MCCC1: variants seen among roughly 807,000 people sequenced by gnomAD.
MCCC1 encodes the protein methylcrotonoyl-CoA carboxylase subunit alpha, mitochondrial.
MCCC1 carries 64 observed loss-of-function variants against 83.8 expected under a neutral mutation model. The ratio of observed to expected loss-of-function variants is 0.76; its 90% CI spans 0.62 to 0.94. MCCC1 has a LOEUF of 0.94. Among genes scored for constraint, MCCC1 ranks in the 40% least tolerant of loss-of-function variants. MCCC1 has a pLI of 0.00. For synonymous variants in MCCC1, 322 were observed against 315.4 expected (o/e 1.02, Z -0.22); for missense variants, 807 against 904.7 (o/e 0.89, Z 1.39).
intron 1 of MCCC1, among the ~76,000 whole-genome samples, chr3:183,109,554 G>A (rs751498152): frequency 1.3e-5 from 2 of 152,190 alleles, no homozygotes; most frequent in Non-Finnish European, 2.9e-5. Flanking sequence ...GTGGCCTCCA[G>A]CTGCATCCAT....
intron 4 of MCCC1, among the ~76,000 whole-genome samples, chr3:183,084,618 T>G (rs569482244): frequency 2.6e-4 from 39 of 152,308 alleles, no homozygotes; most frequent in Middle Eastern, 3.4e-3. Context: ...CTATACATAT[T>G]CACTAATTTA....
intron 8 of MCCC1, among the ~76,000 whole-genome samples, chr3:183,053,877 ATTT>A (rs1318142804): frequency 7.2e-6 from 1 of 138,552 alleles, no homozygotes. Flanking sequence ...GCTATAAAGA[ATTT>A]TTTTTTTTTT....
At position 183,037,289 on chromosome 3, in the gene MCCC1, A is replaced by G; in HGVS notation, c.1523T>C (p.Leu508Ser). 1 of 1,614,180 alleles carries G rather than the reference A, an allele frequency of 6.2e-7. No individual in the cohort carries two copies. Among genetic ancestry groups the G allele is most frequent in the South Asian group, 1.1e-5 (1 of 91,088 alleles). ...LSRKAAAKES[L>S]CQAALGLILK... ...GATGAGACCCAGGGCTGCCTGGCAT[A>G]AAGACTCTTTGGCTGCAGCCTTCCG... Residue 508 changes from leucine to serine, a missense_variant, in exon 13 of 19, where the codon TTA becomes TCA. Coordinates refer to ENST00000265594, the MANE Select transcript of MCCC1 (RefSeq NM_020166.5).
Position 183,053,877 on chromosome 3 carries a change from A to AAT in MCCC1, c.874-1638_874-1637insAT, listed in dbSNP as rs1480067012. ...GCTTATAGAATTAAGGCTATAAAGA[A>AAT]TTTTTTTTTTTTTTTTTTGAGATGG... On this transcript the variant is annotated intron_variant, in intron 8 of 18. Coordinates refer to ENST00000265594, the MANE Select transcript of MCCC1 (RefSeq NM_020166.5). Among the ~76,000 whole-genome samples the AAT allele has an allele frequency of 7.5e-4, 104 of 138,562 alleles. 4 individuals are homozygous for AAT. The highest frequency in any genetic ancestry group is 1.7e-3 in the East Asian group (8 of 4,730). 90.9% of individuals were successfully genotyped at this position (138,562 alleles called of 152,430 possible).
intron 1 of MCCC1, 118 bp downstream of exon 1, chr3:183,099,234 T>A: frequency 8.2e-7 from 1 of 1,225,854 alleles, no homozygotes; most frequent in Non-Finnish European, 1.2e-6. Context: ...GTGCCTGGGG[T>A]TTTCCTACCG....
In MCCC1 at chr3:183,092,521, A is replaced by G. The variant is rs796051987; in HGVS notation, c.161T>C (p.Ile54Thr). 3.7e-6 allele frequency: 6 copies of G among 1,614,054 alleles called. No individual in the cohort carries two copies. The highest frequency in any genetic ancestry group is 1.1e-5 in the South Asian group (1 of 91,090). The change falls in exon 3 of 19, where the codon ATT becomes ACT. Residue 54 changes from isoleucine to threonine, a missense_variant. Ile to Thr is a moderately conservative substitution (Grantham distance 89, BLOSUM62 -1). Coordinates refer to ENST00000265594, the MANE Select transcript of MCCC1 (RefSeq NM_020166.5). ...ATGRNITKVL[I>T]ANRGEIACRV... ...GCAGGCAATTTCTCCTCTGTTTGCA[A>G]TGAGGACCTTGGTAATGTTTCTTCC...
intron 9 of MCCC1, among the ~76,000 whole-genome samples, chr3:183,047,167 TG>T (rs1402603482): frequency 6.6e-6 from 1 of 152,196 alleles, no homozygotes; most frequent in Non-Finnish European, 1.5e-5. Context: ...CCTAAACGAT[TG>T]GGATTTTATC....
chr3:183,024,265 GA>G (rs1366561932), intron 15 of MCCC1, among the ~76,000 whole-genome samples: 3 of 151,682 alleles, frequency 2.0e-5, no homozygotes, highest in Admixed American at 6.6e-5. Context: ...CAAAAAAAAA[GA>G]AAAAAAGATT....
rs749511269 is a variant in MCCC1 at position 183,094,552 on chromosome 3, T to TCAGA, written c.136+6_136+7insTCTG. The TCAGA allele has an allele frequency of 9.9e-6, 16 of 1,614,124 alleles. No homozygotes were observed. The South Asian group carries it at 1.8e-4, about 18-fold the overall frequency. On this transcript the variant is annotated splice_region_variant and intron_variant, in intron 2 of 18. Coordinates refer to ENST00000265594, the MANE Select transcript of MCCC1 (RefSeq NM_020166.5). ...AAATCAAATAGAACAACAAAGTCTG[T>TCAGA]CAGTACCTGTGGCTGTTGTGTACTT...
intron 1 of MCCC1, among the ~76,000 whole-genome samples, chr3:183,106,081 T>TAAAAA (rs563718218): frequency 0.22 from 22,573 of 100,658 alleles, 3,017 homozygotes; most frequent in African/African-American, 0.3. Flanking sequence ...AGAGAGTCCG[T>TAAAAA]AAAAAAAAAA....
At chr3:183,066,501 C>T (rs1716269050) in intron 7 of MCCC1, among the ~76,000 whole-genome samples, 1 of 152,126 alleles carries the variant, frequency 6.6e-6, no homozygotes. Context: ...GACAGGGTTT[C>T]ACCATGTTGG....
At chr3:183,043,318 C>G (rs1190245668) in intron 10 of MCCC1, among the ~76,000 whole-genome samples, 1 of 152,192 alleles carries the variant, frequency 6.6e-6, no homozygotes. Context: ...CTTTGCCTGT[C>G]CATTTTCCTC....
In MCCC1 at chr3:183,086,761, C is replaced by T. The variant is rs775931500; in HGVS notation, c.301G>A (p.Ala101Thr). ...MADEAYSIGP[A>T]PSQQSYLSME... is the part of the protein sequence containing the mutation. ...GATAGGTAGCTCTGCTGGGAGGGAG[C>T]GGGGCCGATGGAATATGCTTCATCT... Residue 101 changes from alanine to threonine, a missense_variant, in exon 4 of 19, where the codon GCT becomes ACT. Coordinates refer to ENST00000265594, the MANE Select transcript of MCCC1 (RefSeq NM_020166.5). 1.4e-5 allele frequency: 22 copies of T among 1,613,954 alleles called. No individual in the cohort carries two copies. The highest frequency in any genetic ancestry group is 8.8e-5 in the South Asian group (8 of 91,056).
intron 3 of MCCC1, among the ~76,000 whole-genome samples, chr3:183,087,896 TCAAGACTTTGCCTGG>T (rs1406746434): frequency 7.0e-6 from 1 of 142,438 alleles, no homozygotes; most frequent in Non-Finnish European, 1.5e-5. Context: ...AAAAGGATGA[TCAAGACTTTGCCTGG>T]CAAACAGATC....
At chr3:183,042,286 G>T (rs1714154570) in intron 10 of MCCC1, among the ~76,000 whole-genome samples, 1 of 152,170 alleles carries the variant, frequency 6.6e-6, no homozygotes. Flanking sequence ...ATGTTGATAT[G>T]TACTGCATGA....
intron 15 of MCCC1, 38 bp downstream of exon 15, chr3:183,025,717 T>G: frequency 6.3e-7 from 1 of 1,586,400 alleles, no homozygotes; most frequent in Non-Finnish European, 8.7e-7. Flanking sequence ...GCGGTCAGAT[T>G]CAGCTCTGCA....
chr3:183,056,550 T>C (rs1486413120), intron 8 of MCCC1, among the ~76,000 whole-genome samples: 1 of 152,188 alleles, frequency 6.6e-6, no homozygotes, highest in Non-Finnish European at 1.5e-5. Flanking sequence ...CTCTCTTCTC[T>C]ATAATATAAC....
intron 1 of MCCC1, among the ~76,000 whole-genome samples, chr3:183,110,054 T>C (rs1254105596): frequency 6.6e-6 from 1 of 152,212 alleles, no homozygotes; most frequent in Non-Finnish European, 1.5e-5. Context: ...TATGTCCTCT[T>C]TTGAGAAGTG....
chr3:183,087,215 A>C (rs1309350533), intron 3 of MCCC1, among the ~76,000 whole-genome samples: 1 of 152,246 alleles, frequency 6.6e-6, no homozygotes, highest in Non-Finnish European at 1.5e-5. Context: ...TATAATTATC[A>C]GAGTATGATA....
Sources: allele counts gnomAD v4.1 joint callset (sites outside exome capture counted in the v4.1 genomes callset), GRCh38; gene constraint gnomAD v4.1.1; transcripts MANE v1.5; gene names NCBI Gene and HGNC (gene_info 2026-07-23, HGNC 2026-07-21).